PRKG1: variants seen among roughly 807,000 people sequenced by gnomAD.
The protein encoded by PRKG1 is protein kinase cGMP-dependent 1.
A neutral mutation model predicts 88.1 loss-of-function variants in PRKG1; 35 were observed. The ratio of observed to expected loss-of-function variants is 0.40; its 90% CI spans 0.30 to 0.53. The LOEUF (loss-of-function observed/expected upper bound fraction) is 0.53. PRKG1 is among the 20% of genes least tolerant of loss of function. The pLI, the probability that PRKG1 is intolerant of heterozygous loss-of-function variation, is 0.59. For synonymous variants in PRKG1, 303 were observed against 292.5 expected (o/e 1.04, Z -0.37); for missense variants, 540 against 839.8 (o/e 0.64, Z 4.41).
chr10:51,815,704 T>C (rs886940621), intron 4 of PRKG1, among the ~76,000 whole-genome samples: 9 of 152,238 alleles, frequency 5.9e-5, no homozygotes, highest in African/African-American at 2.2e-4. Flanking sequence ...TGGTTTTGGC[T>C]TGGAATAAAG....
chr10:51,058,260 A>C (rs1843654710), intron 1 of PRKG1, among the ~76,000 whole-genome samples: 1 of 152,116 alleles, frequency 6.6e-6, no homozygotes. Context: ...TGCTAATTAA[A>C]TATATATTAT....
intron 1 of PRKG1, among the ~76,000 whole-genome samples, chr10:51,120,048 A>G (rs1175179095): frequency 6.6e-6 from 1 of 152,110 alleles, no homozygotes; most frequent in African/African-American, 2.4e-5. Flanking sequence ...TTTTGCATTT[A>G]TAATGTTTGT....
intron 1 of PRKG1, among the ~76,000 whole-genome samples, chr10:51,044,996 G>A (rs141867695): frequency 2.0e-5 from 3 of 152,260 alleles, no homozygotes; most frequent in Non-Finnish European, 2.9e-5. Context: ...ATATTTTAGT[G>A]CATGTATTTG....
At chr10:51,115,206 C>A (rs113198273) in intron 1 of PRKG1, among the ~76,000 whole-genome samples, 6,011 of 146,566 alleles carry the variant, frequency 0.041, 138 homozygotes, top group Middle Eastern at 0.06. Flanking sequence ...CCCAGCTACT[C>A]AGGAGGCTGA....
At position 52,287,534 on chromosome 10, in the gene PRKG1, C is replaced by G. The variant is rs532653508; in HGVS notation, c.1710-1192C>G. The stretch of plus-strand genomic sequence containing the variant: ...TTCAGATTTCTTCCCCAAAGACACA[C>G]AAAACCTGTATTAAAGAGAGTAATT... On this transcript the variant is annotated intron_variant, in intron 14 of 17. Transcript: ENST00000373980. Among the ~76,000 whole-genome samples the G allele has an allele frequency of 2.8e-3, 429 of 151,984 alleles. 5 individuals carry two copies. The highest frequency in any genetic ancestry group is 3.8e-3 in the Non-Finnish European group (258 of 67,946).
chr10:52,018,349 C>A (rs964315975), intron 5 of PRKG1, among the ~76,000 whole-genome samples: 2 of 152,112 alleles, frequency 1.3e-5, no homozygotes, highest in African/African-American at 2.4e-5. Flanking sequence ...GACACCATGA[C>A]TATTTATTTG....
intron 5 of PRKG1, among the ~76,000 whole-genome samples, chr10:52,019,171 C>A (rs1393987822): frequency 1.3e-5 from 2 of 151,936 alleles, no homozygotes; most frequent in Non-Finnish European, 2.9e-5. Context: ...ACTCAGTCAC[C>A]CCACGGAGGG....
intron 5 of PRKG1, among the ~76,000 whole-genome samples, chr10:51,963,328 T>C (rs1361434726): frequency 1.3e-5 from 2 of 152,226 alleles, no homozygotes; most frequent in African/African-American, 2.4e-5. Flanking sequence ...TTCATTAAGA[T>C]GATGATTTAG....
chr10:52,230,283 T>C (rs1335366988), intron 9 of PRKG1, among the ~76,000 whole-genome samples: 1 of 152,192 alleles, frequency 6.6e-6, no homozygotes, highest in African/African-American at 2.4e-5. Flanking sequence ...AGTGGAAACT[T>C]AGATCAGCCA....
chr10:51,964,246 T>G (rs1843515228), intron 5 of PRKG1, among the ~76,000 whole-genome samples: 1 of 152,170 alleles, frequency 6.6e-6, no homozygotes, highest in African/African-American at 2.4e-5. Flanking sequence ...CTTAATCACA[T>G]CTTCAAAATC....
chr10:51,746,665 A>C (rs1589253643), intron 3 of PRKG1, among the ~76,000 whole-genome samples: 1 of 151,824 alleles, frequency 6.6e-6, no homozygotes, highest in Admixed American at 6.6e-5. Flanking sequence ...GGAGGTTGCA[A>C]TGAGCAGATA....
chr10:52,102,194 T>C (rs1847309688), intron 7 of PRKG1, among the ~76,000 whole-genome samples: 1 of 152,216 alleles, frequency 6.6e-6, no homozygotes, highest in Admixed American at 6.5e-5. Context: ...GTTTTGTTTT[T>C]TGTTGTTTAC....
intron 8 of PRKG1, 79 bp from the exon 9 acceptor site, chr10:52,161,810 G>GT: frequency 8.4e-7 from 1 of 1,189,770 alleles, no homozygotes; most frequent in East Asian, 2.4e-5. Context: ...TCTTTAGATT[G>GT]TTTCACTATA....
At chr10:51,312,225 T>A (rs776505036) in intron 2 of PRKG1, among the ~76,000 whole-genome samples, 2 of 152,222 alleles carry the variant, frequency 1.3e-5, no homozygotes, top group Non-Finnish European at 2.9e-5. Flanking sequence ...CCCATTCTCC[T>A]GTGCTCAGGA....
intron 5 of PRKG1, among the ~76,000 whole-genome samples, chr10:52,033,613 T>C: frequency 6.6e-6 from 1 of 152,192 alleles, no homozygotes; most frequent in East Asian, 1.9e-4. Context: ...TTACAACTAC[T>C]ATTACCAGTA....
At chr10:51,871,130 TG>T in intron 4 of PRKG1, among the ~76,000 whole-genome samples, 1 of 152,346 alleles carries the variant, frequency 6.6e-6, no homozygotes, top group Middle Eastern at 3.4e-3. Context: ...TCTGATTTTT[TG>T]TGGGTCATTT....
intron 5 of PRKG1, among the ~76,000 whole-genome samples, chr10:52,030,670 T>C (rs1399136022): frequency 6.6e-6 from 1 of 152,094 alleles, no homozygotes; most frequent in African/African-American, 2.4e-5. Flanking sequence ...CATGTAAGAG[T>C]GGCTGCGTGC....
At chr10:51,554,362 G>T (rs187044091) in intron 3 of PRKG1, among the ~76,000 whole-genome samples, 22 of 107,540 alleles carry the variant, frequency 2.0e-4, no homozygotes, top group African/African-American at 3.8e-4. Context: ...TAATATATAC[G>T]TATATACACA....
chr10:51,435,061 G>A (rs774215732), intron 2 of PRKG1, among the ~76,000 whole-genome samples: 1 of 151,976 alleles, frequency 6.6e-6, no homozygotes, highest in African/African-American at 2.4e-5. Context: ...TTATTTGAAG[G>A]ATTTGCACTA....
Sources: gnomAD v4.1 joint callset for allele counts (sites outside exome capture counted in the v4.1 genomes callset) on GRCh38, gnomAD v4.1.1 for gene constraint, MANE v1.5 for transcripts, NCBI Gene and HGNC (gene_info 2026-07-23, HGNC 2026-07-21) for gene names.